MYLK4: variants seen among roughly 807,000 people sequenced by gnomAD.
MYLK4 encodes the protein caMLCK like.
In MYLK4, 46 loss-of-function variants were observed where a neutral mutation model predicts 48.1. The ratio of observed to expected loss-of-function variants is 0.96; its 90% CI spans 0.75 to 1.22. MYLK4 has a LOEUF of 1.22. Among genes scored for constraint, MYLK4 ranks in the 50% most tolerant of loss-of-function variants. MYLK4 has a pLI of 0.00. For synonymous variants in MYLK4, 170 were observed against 180.8 expected (o/e 0.94, Z 0.48); for missense variants, 451 against 486.1 (o/e 0.93, Z 0.68).
intron 2 of MYLK4, among the ~76,000 whole-genome samples, chr6:2,704,013 CCT>C (rs2113224081): frequency 6.6e-6 from 1 of 152,294 alleles, no homozygotes; most frequent in Admixed American, 6.5e-5. Flanking sequence ...CTTCTCTCTG[CCT>C]CTGTTGGCCA....
At chr6:2,762,470 A>G in the MYLK4 span, among the ~76,000 whole-genome samples, 2 of 152,156 alleles carry the variant, frequency 1.3e-5, no homozygotes, top group African/African-American at 4.8e-5. Context: ...CCATTTTAAA[A>G]TTTTTTGGAT....
intron 2 of MYLK4, among the ~76,000 whole-genome samples, chr6:2,716,849 G>A (rs1229844389): frequency 6.6e-6 from 1 of 152,206 alleles, no homozygotes; most frequent in Non-Finnish European, 1.5e-5. Context: ...AATATGTAAA[G>A]CAGTTAGGAT....
chr6:2,767,837 C>T, the MYLK4 span, among the ~76,000 whole-genome samples: 2 of 152,132 alleles, frequency 1.3e-5, no homozygotes, highest in African/African-American at 4.8e-5. Context: ...CATTTGCAAG[C>T]CTAGGCATCT....
intron 6 of MYLK4, among the ~76,000 whole-genome samples, chr6:2,684,693 A>C (rs534118363): frequency 4.6e-5 from 7 of 152,232 alleles, no homozygotes; most frequent in Non-Finnish European, 1.0e-4. Context: ...TTTACAGTTT[A>C]TCAGGTATTG....
chr6:2,687,201 C>T (rs1761592790), intron 4 of MYLK4, among the ~76,000 whole-genome samples: 1 of 152,168 alleles, frequency 6.6e-6, no homozygotes, highest in Non-Finnish European at 1.5e-5. Flanking sequence ...ATATTTCTGC[C>T]AAAAGTAAAA....
At chr6:2,743,593 T>C (rs1311569332) in intron 2 of MYLK4, among the ~76,000 whole-genome samples, 1 of 152,204 alleles carries the variant, frequency 6.6e-6, no homozygotes, top group Admixed American at 6.5e-5. Flanking sequence ...TTTCTTTTCA[T>C]AAGTCATATA....
chr6:2,756,804 T>A, the MYLK4 span, among the ~76,000 whole-genome samples: 1 of 152,250 alleles, frequency 6.6e-6, no homozygotes, highest in Admixed American at 6.5e-5. Flanking sequence ...AGTCTAAGGA[T>A]ATTCATTTCC....
chr6:2,766,397 A>T, the MYLK4 span: 1 of 1,606,610 alleles, frequency 6.2e-7, no homozygotes, highest in Non-Finnish European at 8.5e-7. Context: ...CCTGGAGACC[A>T]ACGAAATCCC....
Position 2,666,647 on chromosome 6 carries a change from A to C in MYLK4, c.*1278T>G, listed in dbSNP as rs1247741741. The C allele has an allele frequency of 6.6e-6, 1 of 152,258 alleles. No individual in the cohort carries two copies. The highest frequency in any genetic ancestry group is 2.4e-5 in the African/African-American group (1 of 41,458). The allele number at this position is 152,258 out of a possible 1,614,324, so 9.4% of individuals were successfully genotyped here. On this transcript the variant is annotated 3_prime_UTR_variant, in exon 13 of 13. Transcript: ENST00000274643. ...GTGAGCTTGGAGTTCAGCGGGTAACAGGAATTTTGTGGGGCTTTTCCTTGC... is the reference window on the plus strand; with the variant it reads ...GTGAGCTTGGAGTTCAGCGGGTAACCGGAATTTTGTGGGGCTTTTCCTTGC...
chr6:2,689,596 G>A (rs983652707), intron 3 of MYLK4, among the ~76,000 whole-genome samples: 3 of 152,192 alleles, frequency 2.0e-5, no homozygotes, highest in South Asian at 4.1e-4. Flanking sequence ...TTAAACGCTC[G>A]TCCACATCAG....
At chr6:2,723,590 T>C (rs1370702188) in intron 2 of MYLK4, among the ~76,000 whole-genome samples, 1 of 152,228 alleles carries the variant, frequency 6.6e-6, no homozygotes, top group African/African-American at 2.4e-5. Flanking sequence ...TTAGAATCAA[T>C]TTTCCATATT....
chr6:2,746,038 G>A (rs1200534896), intron 2 of MYLK4, among the ~76,000 whole-genome samples: 1 of 152,010 alleles, frequency 6.6e-6, no homozygotes, highest in Admixed American at 6.6e-5. Flanking sequence ...GGATCATGAG[G>A]TCAGGAGTTT....
rs572227064 is a variant in MYLK4, at chr6:2,667,165, A to C, written c.*760T>G. On this transcript the variant is annotated 3_prime_UTR_variant, in exon 13 of 13. Transcript: ENST00000274643. ...ACCATAAACAGATACTTTTTGCATC[A>C]CCTCTCAAAACCAATGTGTTTTGTG... The C allele has an allele frequency of 6.6e-6, 1 of 152,302 alleles. No homozygotes were observed. Among genetic ancestry groups the C allele is most frequent in the African/African-American group, 2.4e-5 (1 of 41,558 alleles). 9.4% of individuals were successfully genotyped at this position (152,302 alleles called of 1,614,324 possible).
At chr6:2,701,047 A>G (rs1204531539) in intron 2 of MYLK4, among the ~76,000 whole-genome samples, 2 of 152,182 alleles carry the variant, frequency 1.3e-5, no homozygotes, top group Admixed American at 6.5e-5. Flanking sequence ...GTGTCAACCG[A>G]CTTCAAATGG....
intron 2 of MYLK4, among the ~76,000 whole-genome samples, chr6:2,736,069 C>T (rs952074750): frequency 6.6e-5 from 10 of 152,098 alleles, no homozygotes; most frequent in African/African-American, 2.2e-4. Context: ...CACCCTAAAC[C>T]AGCACGCCCC....
At chr6:2,762,951 A>C in the MYLK4 span, among the ~76,000 whole-genome samples, 1 of 152,222 alleles carries the variant, frequency 6.6e-6, no homozygotes. Context: ...TTCAGACCCA[A>C]ACACCAGCTA....
At chr6:2,742,593 T>C (rs1763934908) in intron 2 of MYLK4, among the ~76,000 whole-genome samples, 1 of 151,046 alleles carries the variant, frequency 6.6e-6, no homozygotes, top group Non-Finnish European at 1.5e-5. Flanking sequence ...TTGGAAATCA[T>C]CATTCTCAGT....
At chr6:2,734,872 A>T (rs1763613521) in intron 2 of MYLK4, among the ~76,000 whole-genome samples, 1 of 152,156 alleles carries the variant, frequency 6.6e-6, no homozygotes, top group Non-Finnish European at 1.5e-5. Context: ...AACCCTGATG[A>T]TATGCAGATT....
At chr6:2,706,727 G>C (rs547709188) in intron 2 of MYLK4, among the ~76,000 whole-genome samples, 2 of 152,128 alleles carry the variant, frequency 1.3e-5, no homozygotes, top group African/African-American at 4.8e-5. Flanking sequence ...CACCCAGGGC[G>C]TGCATTTCCA....
Sources: allele counts gnomAD v4.1 joint callset (sites outside exome capture counted in the v4.1 genomes callset), GRCh38; gene constraint gnomAD v4.1.1; transcripts MANE v1.5; gene names NCBI Gene and HGNC (gene_info 2026-07-23, HGNC 2026-07-21).